Variants in KHDRBS2 observed in about 807,000 individuals in gnomAD.
KHDRBS2 encodes the protein KH RNA binding domain containing, signal transduction associated 2.
In KHDRBS2, 26 loss-of-function variants were observed where a neutral mutation model predicts 44.3. The ratio of observed to expected loss-of-function variants is 0.59; its 90% confidence interval spans 0.43 to 0.81. The LOEUF (loss-of-function observed/expected upper bound fraction) is 0.81, where lower values mean the gene tolerates loss of function less well. Among genes scored for constraint, KHDRBS2 ranks in the 40% least tolerant of loss-of-function variants. KHDRBS2 has a pLI of 0.00. For missense variants in KHDRBS2, 476 were observed against 433.1 expected, an observed-to-expected ratio of 1.10 and a Z score of -0.88; for synonymous variants, 194 against 151.1, an observed-to-expected ratio of 1.28 and a Z score of -2.08.
chr6:61,876,689 G>A (rs1379529556), intron 6 of KHDRBS2, among the ~76,000 whole-genome samples: 1 of 151,970 alleles, frequency 6.6e-6, no homozygotes, highest in Non-Finnish European at 1.5e-5. Context: ...AAATTAAAAG[G>A]ACGGGAGGAG....
chr6:61,827,490 T>G (rs1238111082), intron 6 of KHDRBS2, among the ~76,000 whole-genome samples: 1 of 152,192 alleles, frequency 6.6e-6, no homozygotes, highest in Non-Finnish European at 1.5e-5. Flanking sequence ...TGCTAAAAGA[T>G]TCATTATAGT....
chr6:61,759,869 A>C (rs534411158), intron 6 of KHDRBS2, among the ~76,000 whole-genome samples: 1 of 152,316 alleles, frequency 6.6e-6, no homozygotes, highest in South Asian at 2.1e-4. Context: ...TTTCAGCTTT[A>C]ATTAACTTTT....
intron 6 of KHDRBS2, among the ~76,000 whole-genome samples, chr6:61,849,519 T>C (rs982024583): frequency 3.3e-5 from 5 of 152,144 alleles, no homozygotes. Context: ...AAAATCTCTT[T>C]AATGAGTTCT....
chr6:62,071,807 T>C (rs377211273), intron 2 of KHDRBS2, among the ~76,000 whole-genome samples: 1 of 152,214 alleles, frequency 6.6e-6, no homozygotes, highest in South Asian at 2.1e-4. Flanking sequence ...CGGCTTAGGA[T>C]TGATTTGGCA....
At chr6:62,249,979 CTTCT>C in intron 1 of KHDRBS2, among the ~76,000 whole-genome samples, 1 of 152,200 alleles carries the variant, frequency 6.6e-6, no homozygotes, top group African/African-American at 2.4e-5. Context: ...TCTTAATTAT[CTTCT>C]TTATTAACTG....
At chr6:61,547,512 C>A in the KHDRBS2 span, among the ~76,000 whole-genome samples, 1 of 152,024 alleles carries the variant, frequency 6.6e-6, no homozygotes, top group Admixed American at 6.6e-5. Context: ...TATACTAGTA[C>A]CCAGGATAAG....
At chr6:62,091,858 T>C (rs1195581981) in intron 2 of KHDRBS2, among the ~76,000 whole-genome samples, 1 of 152,158 alleles carries the variant, frequency 6.6e-6, no homozygotes, top group African/African-American at 2.4e-5. Flanking sequence ...GTTTGTTATG[T>C]AAAGCATTCA....
chr6:61,955,125 T>C (rs1006350686), intron 4 of KHDRBS2, among the ~76,000 whole-genome samples: 3 of 145,232 alleles, frequency 2.1e-5, no homozygotes, highest in Non-Finnish European at 3.0e-5. Context: ...TGTATATATG[T>C]ATACATATGT....
chr6:62,188,105 T>C (rs1375453281), intron 1 of KHDRBS2, among the ~76,000 whole-genome samples: 2 of 151,888 alleles, frequency 1.3e-5, no homozygotes, highest in Admixed American at 1.3e-4. Flanking sequence ...GCTCACTCAT[T>C]ACCATGGGGA....
At chr6:62,156,311 C>A (rs1245367005) in intron 2 of KHDRBS2, among the ~76,000 whole-genome samples, 2 of 151,862 alleles carry the variant, frequency 1.3e-5, no homozygotes, top group Admixed American at 1.3e-4. Flanking sequence ...TTTTTATTAA[C>A]CAAAAACTTT....
At chr6:61,969,893 A>G (rs1371870260) in intron 4 of KHDRBS2, among the ~76,000 whole-genome samples, 1 of 151,942 alleles carries the variant, frequency 6.6e-6, no homozygotes, top group Non-Finnish European at 1.5e-5. Flanking sequence ...AAAAAAAAAC[A>G]TATAAAATCT....
At chr6:61,772,629 T>C (rs1781140637) in intron 6 of KHDRBS2, among the ~76,000 whole-genome samples, 1 of 150,260 alleles carries the variant, frequency 6.7e-6, no homozygotes. Context: ...GTTGATTCTC[T>C]TTTATTTTAT....
At chr6:61,931,862 TTCCTCC>T (rs753839907) in intron 4 of KHDRBS2, among the ~76,000 whole-genome samples, 1 of 151,548 alleles carries the variant, frequency 6.6e-6, no homozygotes, top group Non-Finnish European at 1.5e-5. Context: ...AACCCATCCT[TTCCTCC>T]TCCTCCTCCT....
At chr6:62,187,079 C>T (rs1410811488) in intron 1 of KHDRBS2, among the ~76,000 whole-genome samples, 7 of 152,056 alleles carry the variant, frequency 4.6e-5, no homozygotes, top group Admixed American at 3.9e-4. Context: ...TGTCAGAGTT[C>T]CACAGTCCAT....
chr6:61,846,012 G>T (rs1482977396), intron 6 of KHDRBS2, among the ~76,000 whole-genome samples: 1 of 152,112 alleles, frequency 6.6e-6, no homozygotes, highest in Non-Finnish European at 1.5e-5. Context: ...TCATTTAAAA[G>T]TGTGTGGCAC....
chr6:61,782,838 T>C (rs115984848), intron 6 of KHDRBS2, among the ~76,000 whole-genome samples: 4,582 of 151,280 alleles, frequency 0.03, 235 homozygotes, highest in African/African-American at 0.11. Context: ...TTCAAACTGA[T>C]GGTTGGGTCC....
the KHDRBS2 span, among the ~76,000 whole-genome samples, chr6:61,560,704 C>T: frequency 1.3e-5 from 2 of 152,068 alleles, no homozygotes; most frequent in African/African-American, 4.8e-5. Flanking sequence ...TGATAGAATT[C>T]GGAATTCCTT....
At chr6:62,258,734 A>C (rs1176356637) in intron 1 of KHDRBS2, among the ~76,000 whole-genome samples, 1 of 152,076 alleles carries the variant, frequency 6.6e-6, no homozygotes, top group Non-Finnish European at 1.5e-5. Context: ...TAAATATTCC[A>C]AAATCTGAAG....
At chr6:61,646,693 C>T in the KHDRBS2 span, among the ~76,000 whole-genome samples, 1 of 152,078 alleles carries the variant, frequency 6.6e-6, no homozygotes, top group East Asian at 1.9e-4. Flanking sequence ...CTTTACCTCC[C>T]AGAAAAACAT....
Sources: allele counts gnomAD v4.1 joint callset (sites outside exome capture counted in the v4.1 genomes callset), GRCh38; gene constraint gnomAD v4.1.1; transcripts MANE v1.5; gene names NCBI Gene and HGNC (gene_info 2026-07-23, HGNC 2026-07-21).